Variants in SDK1 observed in about 807,000 individuals in gnomAD.
SDK1 encodes the protein sidekick cell adhesion molecule 1.
SDK1 carries 157 observed loss-of-function variants against 245.5 expected under a neutral mutation model. That is an observed-to-expected ratio of 0.64 (90% confidence interval 0.56 to 0.73). The LOEUF is 0.73. Ranked by LOEUF, SDK1 falls within the 30% of genes least tolerant of loss-of-function variation. The probability of loss-of-function intolerance (pLI) is 0.00; values close to 1 mark genes in which losing one functional copy is unlikely to be tolerated. For missense variants in SDK1, 3,583 were observed against 3,002.3 expected (o/e 1.19, Z -4.52); for synonymous variants, 1,647 against 1,278.5 (o/e 1.29, Z -6.15).
intron 28 of SDK1, among the ~76,000 whole-genome samples, chr7:4,140,857 T>G (rs1584270057): frequency 6.6e-6 from 1 of 152,244 alleles, no homozygotes; most frequent in Non-Finnish European, 1.5e-5. Flanking sequence ...ATCCCAGCAC[T>G]TTGAGAGGCT....
intron 1 of SDK1, among the ~76,000 whole-genome samples, chr7:3,371,091 G>C (rs774954840): frequency 2.8e-4 from 42 of 152,136 alleles, no homozygotes; most frequent in Non-Finnish European, 5.9e-4. Flanking sequence ...TGTGACAGTT[G>C]ACAAGAGTGC....
chr7:4,198,883 G>A (rs930740965), intron 35 of SDK1, among the ~76,000 whole-genome samples: 5 of 150,282 alleles, frequency 3.3e-5, no homozygotes, highest in Non-Finnish European at 7.4e-5. Flanking sequence ...GCGTGATCTC[G>A]GCTCACTGCA....
intron 1 of SDK1, among the ~76,000 whole-genome samples, chr7:3,343,932 A>T (rs748446340): frequency 7.2e-5 from 11 of 152,010 alleles, no homozygotes; most frequent in Non-Finnish European, 1.0e-4. Context: ...CATATTACGG[A>T]CATATTATTG....
intron 1 of SDK1, among the ~76,000 whole-genome samples, chr7:3,595,045 T>C (rs1053383692): frequency 5.9e-5 from 9 of 152,192 alleles, no homozygotes; most frequent in Admixed American, 2.6e-4. Flanking sequence ...AGATGGAAAA[T>C]ACCCTTGTTG....
At chr7:3,564,588 C>T (rs973056995) in intron 1 of SDK1, among the ~76,000 whole-genome samples, 4 of 151,888 alleles carry the variant, frequency 2.6e-5, no homozygotes, top group Non-Finnish European at 5.9e-5. Context: ...AAAATGTATA[C>T]TTAATAAATT....
intron 17 of SDK1, among the ~76,000 whole-genome samples, chr7:4,034,469 C>G (rs1788071767): frequency 6.6e-6 from 1 of 152,190 alleles, no homozygotes. Context: ...AGCTCACTCT[C>G]AAACAGTTTT....
At chr7:3,774,639 G>A (rs947550454) in intron 4 of SDK1, among the ~76,000 whole-genome samples, 38 of 152,170 alleles carry the variant, frequency 2.5e-4, no homozygotes, top group African/African-American at 8.9e-4. Flanking sequence ...CAGTGCAATT[G>A]TTGTCCAGGT....
intron 1 of SDK1, among the ~76,000 whole-genome samples, chr7:3,562,997 G>T (rs2128626757): frequency 6.7e-6 from 1 of 150,354 alleles, no homozygotes; most frequent in South Asian, 2.1e-4. Context: ...TAAGAAAACA[G>T]AAAATACATG....
intron 1 of SDK1, among the ~76,000 whole-genome samples, chr7:3,335,390 T>A (rs144949294): frequency 3.1e-3 from 467 of 151,878 alleles, no homozygotes; most frequent in Non-Finnish European, 3.8e-3. Flanking sequence ...TTTATTAACT[T>A]ACTGGGATAA....
intron 1 of SDK1, among the ~76,000 whole-genome samples, chr7:3,390,706 C>T (rs929612462): frequency 1.3e-5 from 2 of 152,130 alleles, no homozygotes; most frequent in Admixed American, 6.6e-5. Flanking sequence ...TCAATAATGC[C>T]AAGTATTGTT....
chr7:3,505,218 G>A (rs149366288), intron 1 of SDK1, among the ~76,000 whole-genome samples: 1 of 149,204 alleles, frequency 6.7e-6, no homozygotes, highest in African/African-American at 2.5e-5. Flanking sequence ...ATTTTTTTTT[G>A]ATCTAGGGTT....
At chr7:3,901,233 C>G (rs1781779673) in intron 5 of SDK1, among the ~76,000 whole-genome samples, 1 of 151,838 alleles carries the variant, frequency 6.6e-6, no homozygotes, top group Admixed American at 6.6e-5. Flanking sequence ...TGTCACCAAG[C>G]TGGAGTGTGG....
At chr7:3,678,772 A>C (rs558265635) in intron 4 of SDK1, among the ~76,000 whole-genome samples, 1 of 152,348 alleles carries the variant, frequency 6.6e-6, no homozygotes, top group East Asian at 1.9e-4. Flanking sequence ...AATCATTAAA[A>C]TGATAGATTT....
chr7:3,885,311 G>T (rs1054436017), intron 5 of SDK1, among the ~76,000 whole-genome samples: 2 of 152,172 alleles, frequency 1.3e-5, no homozygotes, highest in Non-Finnish European at 2.9e-5. Flanking sequence ...GGTGGCAACA[G>T]AGTTCCTTGA....
chr7:3,391,043 A>G (rs1781736208), intron 1 of SDK1, among the ~76,000 whole-genome samples: 1 of 152,168 alleles, frequency 6.6e-6, no homozygotes, highest in African/African-American at 2.4e-5. Flanking sequence ...GTTAGCTACC[A>G]TTGCTCTTTG....
intron 13 of SDK1, among the ~76,000 whole-genome samples, chr7:3,981,824 C>T (rs1415532443): frequency 6.6e-6 from 1 of 152,158 alleles, no homozygotes; most frequent in Non-Finnish European, 1.5e-5. Flanking sequence ...GGAAAGATGC[C>T]GTCCCCATAA....
chr7:3,897,125 G>T lies in SDK1; in HGVS notation c.848-53798G>T, dbSNP rs531325487. On this transcript the variant is annotated intron_variant, in intron 5 of 44. Transcript: ENST00000404826. ...CCTTAATTCAATCACCTCCCACTAG[G>T]CCACTGCCACAACACATGGGGATTA... Among the ~76,000 whole-genome samples, 55 of 152,294 alleles carry T rather than the reference G, an allele frequency of 3.6e-4. No homozygotes were observed. The South Asian group carries it at 0.011, about 32-fold the overall frequency.
chr7:4,018,200 T>G (rs80164235), intron 17 of SDK1, among the ~76,000 whole-genome samples: 2 of 152,242 alleles, frequency 1.3e-5, no homozygotes, highest in Non-Finnish European at 2.9e-5. Flanking sequence ...CTCGCCTGAT[T>G]CACAGGTGTG....
Position 3,681,894 on chromosome 7 carries a change from A to G in SDK1, c.713+39789A>G, listed in dbSNP as rs149355668. ...ATATGTTTTAGAATTCTGAGTTTTT[A>G]TTTTTCATATTTTGGAAAGATTATA... On this transcript the variant is annotated intron_variant, in intron 4 of 44. Transcript: ENST00000404826. 4.6e-3 allele frequency among the ~76,000 whole-genome samples: 700 copies of G among 152,154 alleles called. 4 individuals carry two copies. The highest frequency in any genetic ancestry group is 0.017 in the South Asian group (82 of 4,810).
Sources: gnomAD v4.1 joint callset for allele counts (sites outside exome capture counted in the v4.1 genomes callset) on GRCh38, gnomAD v4.1.1 for gene constraint, MANE v1.5 for transcripts, NCBI Gene and HGNC (gene_info 2026-07-23, HGNC 2026-07-21) for gene names.